Variants in ZNF8 observed in about 807,000 individuals in gnomAD.
The protein encoded by ZNF8 is zinc finger protein 8.
ZNF8 carries 9 observed loss-of-function variants against 12.2 expected under a neutral mutation model. The observed-to-expected ratio is 0.73, with a 90% CI of 0.44 to 1.28. The LOEUF (loss-of-function observed/expected upper bound fraction) is 1.28. Among genes scored for constraint, ZNF8 ranks in the 50% most tolerant of loss-of-function variants. The pLI is 0.00. For synonymous variants in ZNF8, 274 were observed against 282.3 expected (o/e 0.97, Z 0.30); for missense variants, 664 against 729.1 (o/e 0.91, Z 1.03).
rs2051450105 is a variant in ZNF8, at chr19:58,295,647, A to G, written c.*111A>G. ...GTAGAAATGTCATGGGTGACTTCTG[A>G]CTTTCTAAGGAAATGATGCTTCCCA... On this transcript the variant is annotated 3_prime_UTR_variant, in exon 4 of 4. Transcript: ENST00000621650. The G allele has an allele frequency of 1.0e-6, 1 of 975,856 alleles. No homozygotes were observed. The highest frequency in any genetic ancestry group is 1.5e-6 in the Non-Finnish European group (1 of 661,388). The allele number at this position is 975,856 out of a possible 1,614,324, so 60.4% of individuals were successfully genotyped here.
Position 58,286,319 on chromosome 19 carries a change from G to A in ZNF8, c.289+114G>A, listed in dbSNP as rs1425539466. The stretch of plus-strand genomic sequence containing the variant: ...TCCTGAAGACCACCCCATTCACTAG[G>A]AGTATACAGGACTCAGCATAGAGTC... On this transcript the variant is annotated intron_variant, in intron 3 of 3. Transcript: ENST00000621650. 5 of 799,106 alleles carry A rather than the reference G, an allele frequency of 6.3e-6. No homozygotes were observed. In the African/African-American group the frequency reaches 6.8e-5, roughly 11 times the overall value. The allele number at this position is 799,106 out of a possible 1,614,324, so 49.5% of individuals were successfully genotyped here. A position where few individuals can be genotyped will look rare whatever the true frequency, so the allele number is the denominator to read the frequency against.
At position 58,294,663 on chromosome 19, in the gene ZNF8, T is replaced by C; in HGVS notation, c.855T>C (p.Tyr285=). 2 of 1,614,180 alleles carry C rather than the reference T, an allele frequency of 1.2e-6. No homozygotes were observed. Among genetic ancestry groups the C allele is most frequent in the Non-Finnish European group, 8.5e-7 (1 of 1,180,028 alleles). ...GGATTCATACGGGAGAAAGACCTTA[T>C]ATGTGCAAGGAGTGTGGGAAAGCCT... ...HKRIHTGERP[Y]MCKECGKAFS... is the part of the protein sequence containing the mutation. Residue 285 remains tyrosine, a synonymous_variant, in exon 4 of 4, where the codon TAT becomes TAC. Coordinates refer to ENST00000621650, the MANE Select transcript of ZNF8 (RefSeq NM_021089.3). This position sits in a 1 kb window ranked among gnomAD's most constrained non-coding sequence, Gnocchi z 5.5.
intron 3 of ZNF8, among the ~76,000 whole-genome samples, chr19:58,291,331 C>T (rs2051418298): frequency 6.6e-6 from 1 of 152,206 alleles, no homozygotes; most frequent in African/African-American, 2.4e-5. Context: ...GTGAGTTGTT[C>T]TGGGCAGCCA....
intron 1 of ZNF8, 79 bp downstream of exon 1, chr19:58,279,226 C>G (rs1483503243): frequency 1.3e-6 from 2 of 1,536,566 alleles, no homozygotes; most frequent in Non-Finnish European, 1.7e-6. Context: ...CACCTCGCGG[C>G]GCGATGAGAG....
At chr19:58,289,717 C>T (rs1352971361) in intron 3 of ZNF8, among the ~76,000 whole-genome samples, 1 of 152,092 alleles carries the variant, frequency 6.6e-6, no homozygotes, top group African/African-American at 2.4e-5. Context: ...ACAACCGCTT[C>T]CCTGACTCAG....
Position 58,295,736 on chromosome 19 carries a change from G to A in ZNF8, c.*200G>A. The stretch of plus-strand genomic sequence containing the variant: ...AGTGCCCTCTTTAGCGACATATTTT[G>A]TGACATTCCTTCCATTACACCACAG... On this transcript the variant is annotated 3_prime_UTR_variant, in exon 4 of 4. Coordinates refer to ENST00000621650, the MANE Select transcript of ZNF8 (RefSeq NM_021089.3). The A allele has an allele frequency of 1.8e-6, 1 of 554,228 alleles. No individual in the cohort carries two copies. The highest frequency in any genetic ancestry group is 2.9e-5 in the East Asian group (1 of 33,972). 34.3% of individuals were successfully genotyped at this position (554,228 alleles called of 1,614,324 possible).
intron 3 of ZNF8, among the ~76,000 whole-genome samples, chr19:58,293,708 G>T (rs2051434820): frequency 6.6e-6 from 1 of 152,208 alleles, no homozygotes; most frequent in South Asian, 2.1e-4. Context: ...GGCCAGGAAT[G>T]CAGGCAGCCT....
Position 58,294,432 on chromosome 19 carries a change from A to C in ZNF8, c.624A>C (p.Thr208=). The C allele has an allele frequency of 6.2e-7, 1 of 1,614,164 alleles. No homozygotes were observed. The highest frequency in any genetic ancestry group is 1.1e-5 in the South Asian group (1 of 91,088). Residue 208 remains threonine (T), a synonymous_variant, in exon 4 of 4, where the codon ACA becomes ACC. Transcript: ENST00000621650. This position sits in a 1 kb window ranked among gnomAD's most constrained non-coding sequence, Gnocchi z 5.5. ...EYLYTYDSQI[T]DSEHNSSLVS... ...TGTATACTTACGACTCACAGATTAC[A>C]GACTCAGAACATAACTCCAGCTTAG... is the stretch of plus-strand genomic sequence containing the variant.
chr19:58,279,831 A>G (rs1365743271), intron 1 of ZNF8: 4 of 1,396,106 alleles, frequency 2.9e-6, no homozygotes, highest in Middle Eastern at 1.9e-4. Flanking sequence ...GCGTGGCAGG[A>G]AACAACAATA....
At chr19:58,289,701 A>G (rs1279651137) in intron 3 of ZNF8, among the ~76,000 whole-genome samples, 1 of 151,326 alleles carries the variant, frequency 6.6e-6, no homozygotes, top group East Asian at 1.9e-4. Context: ...ACCCATTTCC[A>G]TTATCACAAC....
At chr19:58,290,108 CT>C (rs773199651) in intron 3 of ZNF8, among the ~76,000 whole-genome samples, 76 of 73,428 alleles carry the variant, frequency 1.0e-3, no homozygotes, top group East Asian at 1.7e-3. Flanking sequence ...TTTCAAGATT[CT>C]TTTTTTTTTT....
In ZNF8 at chr19:58,302,558, A is replaced by T. The variant is rs1405846561; in HGVS notation, c.*7022A>T. 6.6e-6 allele frequency: 1 copy of T among 152,218 alleles called. No homozygotes were observed. Among genetic ancestry groups the T allele is most frequent in the Non-Finnish European group, 1.5e-5 (1 of 68,038 alleles). The allele number at this position is 152,218 out of a possible 1,614,324, so 9.4% of individuals were successfully genotyped here. ...TTTGAGGATTTTCTCTATGAATTTC[A>T]TGTAGCTCTTTAAATTAACTTTCAG... is the stretch of plus-strand genomic sequence containing the variant. On this transcript the variant is annotated 3_prime_UTR_variant, in exon 4 of 4. Coordinates refer to ENST00000621650, the MANE Select transcript of ZNF8 (RefSeq NM_021089.3).
intron 1 of ZNF8, among the ~76,000 whole-genome samples, chr19:58,284,776 G>C (rs2051372693): frequency 6.6e-6 from 1 of 152,206 alleles, no homozygotes; most frequent in African/African-American, 2.4e-5. Flanking sequence ...TTGAACCTGG[G>C]AGGCAGAGGT....
intron 1 of ZNF8, chr19:58,279,356 T>G (rs2051328387): frequency 4.8e-6 from 7 of 1,464,870 alleles, no homozygotes; most frequent in Non-Finnish European, 6.3e-6. Flanking sequence ...GGCCCCCGAA[T>G]GCGCATGCTC....
Position 58,301,276 on chromosome 19 carries a change from G to A in ZNF8, c.*5740G>A, listed in dbSNP as rs1166233977. 6.6e-6 allele frequency: 1 copy of A among 152,140 alleles called. No individual in the cohort carries two copies. Among genetic ancestry groups the A allele is most frequent in the Non-Finnish European group, 1.5e-5 (1 of 68,054 alleles). 9.4% of individuals were successfully genotyped at this position (152,140 alleles called of 1,614,324 possible). ...TGGAAGCCAGAAAACCAGTCTTCTT[G>A]ACCTCTCCCCTTCCCCACTCCATGG... On this transcript the variant is annotated 3_prime_UTR_variant, in exon 4 of 4. Transcript: ENST00000621650.
chr19:58,286,298 G>A, intron 3 of ZNF8, 93 bp downstream of exon 3: 3 of 1,035,200 alleles, frequency 2.9e-6, no homozygotes, highest in Non-Finnish European at 2.9e-6. Flanking sequence ...TGGTGGTCCT[G>A]AAGACCACCC....
Position 58,294,837 on chromosome 19 carries a change from T to C in ZNF8, c.1029T>C (p.Cys343=). 6.2e-7 allele frequency: 1 copy of C among 1,613,538 alleles called. No homozygotes were observed. Among genetic ancestry groups the C allele is most frequent in the Non-Finnish European group, 8.5e-7 (1 of 1,179,848 alleles). Residue 343 remains cysteine (C), a synonymous_variant, in exon 4 of 4, where the codon TGT becomes TGC. Transcript: ENST00000621650. This position sits in a 1 kb window ranked among gnomAD's most constrained non-coding sequence, Gnocchi z 5.5. ...RIHTGEKPYE[C]QDCGRAFNQN... ...ACACTGGGGAGAAGCCCTATGAGTGTCAGGACTGTGGGAGGGCCTTCAACC... is the reference window on the plus strand; with the variant it reads ...ACACTGGGGAGAAGCCCTATGAGTGCCAGGACTGTGGGAGGGCCTTCAACC...
chr19:58,294,465 G>T lies in ZNF8; in HGVS notation c.657G>T (p.Gln219His), dbSNP rs747126913. ...AACATAACTCCAGCTTAGTCAGTCA[G>T]CAGACAGGCTCCCCAGGAAAACAGC... The part of the protein sequence containing the change: ...DSEHNSSLVS[Q>H]QTGSPGKQPG... Residue 219 changes from glutamine (Q) to histidine (H), a missense_variant, in exon 4 of 4, where the codon CAG becomes CAT. Coordinates refer to ENST00000621650, the MANE Select transcript of ZNF8 (RefSeq NM_021089.3). This position sits in a 1 kb window ranked among gnomAD's most constrained non-coding sequence, Gnocchi z 5.5. 4.3e-6 allele frequency: 7 copies of T among 1,614,164 alleles called. No homozygotes were observed. The highest frequency in any genetic ancestry group is 5.9e-6 in the Non-Finnish European group (7 of 1,180,036).
chr19:58,284,743 G>A (rs1568523752), intron 1 of ZNF8, among the ~76,000 whole-genome samples: 1 of 152,148 alleles, frequency 6.6e-6, no homozygotes, highest in Admixed American at 6.5e-5. Flanking sequence ...CAGCTACTAC[G>A]GAGGCTGGGG....
Sources: gnomAD v4.1 joint callset for allele counts (sites outside exome capture counted in the v4.1 genomes callset) on GRCh38, gnomAD v4.1.1 for gene constraint, Gnocchi (gnomAD v3.1) non-coding constraint, MANE v1.5 for transcripts, NCBI Gene and HGNC (gene_info 2026-07-23, HGNC 2026-07-21) for gene names.